DSE: variants seen among roughly 807,000 people sequenced by gnomAD.
DSE encodes dermatan-sulfate epimerase.
DSE carries 36 observed loss-of-function variants against 84.4 expected under a neutral mutation model. That is an observed-to-expected ratio of 0.43 (90% CI 0.33 to 0.56). DSE has a LOEUF of 0.56. DSE is among the 20% of genes least tolerant of loss of function. The probability of loss-of-function intolerance (pLI) is 0.06; values close to 1 mark genes in which losing one functional copy is unlikely to be tolerated. For synonymous variants in DSE, 410 were observed against 430.1 expected, an observed-to-expected ratio of 0.95 and a Z score of 0.58; for missense variants, 862 against 1,169.6, an observed-to-expected ratio of 0.74 and a Z score of 3.84.
chr6:116,331,043 C>T (rs1291360477), intron 2 of DSE, among the ~76,000 whole-genome samples: 1 of 152,030 alleles, frequency 6.6e-6, no homozygotes, highest in Non-Finnish European at 1.5e-5. Flanking sequence ...GTACTAGATG[C>T]AGAAAAGCAG....
intron 3 of DSE, among the ~76,000 whole-genome samples, chr6:116,427,849 C>T (rs927973564): frequency 6.6e-6 from 1 of 152,194 alleles, no homozygotes; most frequent in Admixed American, 6.5e-5. Flanking sequence ...AGTGAATTTT[C>T]ATGCTAGCTC....
In DSE at chr6:116,361,517, G is replaced by A. The variant is rs139060065; in HGVS notation, c.-53-37681G>A. Among the ~76,000 whole-genome samples, 1,036 of 152,256 alleles carry A rather than the reference G, an allele frequency of 6.8e-3. 21 individuals are homozygous for A. The highest frequency in any genetic ancestry group is 0.053 in the South Asian group (256 of 4,822). ...TTAAAATATCTCAAGAGAGCTGGGT[G>A]TGATGGTGCACATCTACAGTCCCAG... is the stretch of plus-strand genomic sequence containing the variant. On this transcript the variant is annotated intron_variant, in intron 2 of 3. Transcript: ENST00000430252.
chr6:116,368,126 G>A (rs1005857655), upstream of DSE, among the ~76,000 whole-genome samples: 1 of 152,168 alleles, frequency 6.6e-6, no homozygotes, highest in African/African-American at 2.4e-5. Context: ...GTTTGGAGCT[G>A]CATCTAGGCG....
chr6:116,407,780 A>G (rs1399258527), intron 2 of DSE, among the ~76,000 whole-genome samples: 3 of 152,246 alleles, frequency 2.0e-5, no homozygotes, highest in African/African-American at 7.2e-5. Flanking sequence ...AAAAAGATCA[A>G]TCTATTTTCA....
At chr6:116,383,407 A>G (rs17077898) in intron 1 of DSE, among the ~76,000 whole-genome samples, 8,347 of 152,150 alleles carry the variant, frequency 0.055, 778 homozygotes, top group African/African-American at 0.19. Context: ...TACAAGCGAG[A>G]GAGAAGTATA....
chr6:116,438,676 C>G lies in DSE; in HGVS notation c.*1331C>G, dbSNP rs1784321471. ...TGAGTCATATATTTCTCCTTTGAAA[C>G]AAAATATGTTCAGCTCAAATTTTAC... On this transcript the variant is annotated 3_prime_UTR_variant, in exon 6 of 6. Transcript: ENST00000644252. The G allele has an allele frequency of 6.6e-6, 1 of 152,112 alleles. No individual in the cohort carries two copies. The highest frequency in any genetic ancestry group is 1.5e-5 in the Non-Finnish European group (1 of 67,986). 9.4% of individuals were successfully genotyped at this position (152,112 alleles called of 1,614,324 possible).
intron 2 of DSE, among the ~76,000 whole-genome samples, chr6:116,417,155 A>G (rs911623754): frequency 1.3e-5 from 2 of 152,190 alleles, no homozygotes; most frequent in South Asian, 2.1e-4. Context: ...TTTACTTATC[A>G]TGTTTCTTCC....
chr6:116,293,933 T>C (rs1398050983), intron 2 of DSE, among the ~76,000 whole-genome samples: 1 of 152,148 alleles, frequency 6.6e-6, no homozygotes, highest in Non-Finnish European at 1.5e-5. Context: ...TTGGTAATAT[T>C]TCTTTTGTCT....
chr6:116,375,806 C>CT (rs966960003), intron 1 of DSE, among the ~76,000 whole-genome samples: 6 of 151,882 alleles, frequency 4.0e-5, no homozygotes, highest in African/African-American at 7.3e-5. Flanking sequence ...GTACTTTTAA[C>CT]TTTTTTTTCA....
At chr6:116,316,824 TAC>T (rs1294464277) in intron 2 of DSE, among the ~76,000 whole-genome samples, 1 of 128,298 alleles carries the variant, frequency 7.8e-6, no homozygotes, top group Admixed American at 7.5e-5. Context: ...CTACTACTAC[TAC>T]TATTATTATT....
chr6:116,256,460 T>C (rs6930059), intron 1 of DSE: 42,917 of 152,144 alleles, frequency 0.28, 7,315 homozygotes, highest in East Asian at 0.68. Context: ...ACAGTAAAAA[T>C]AGAGTATTAC....
intron 2 of DSE, among the ~76,000 whole-genome samples, chr6:116,335,111 C>T (rs909008128): frequency 3.3e-5 from 5 of 152,134 alleles, no homozygotes; most frequent in Admixed American, 6.5e-5. Flanking sequence ...ATAGCAAAGA[C>T]ATGGAATCAA....
At chr6:116,335,262 A>G (rs1339004417) in intron 2 of DSE, among the ~76,000 whole-genome samples, 1 of 152,202 alleles carries the variant, frequency 6.6e-6, no homozygotes, top group Non-Finnish European at 1.5e-5. Context: ...TCCTTATCAA[A>G]CTAACACAGA....
At chr6:116,408,998 C>T (rs1025692987) in intron 2 of DSE, among the ~76,000 whole-genome samples, 1 of 152,154 alleles carries the variant, frequency 6.6e-6, no homozygotes, top group Non-Finnish European at 1.5e-5. Flanking sequence ...TGCCAGTGTT[C>T]CAATTACATT....
chr6:116,291,801 A>G (rs766604250), intron 2 of DSE, among the ~76,000 whole-genome samples: 17 of 152,184 alleles, frequency 1.1e-4, no homozygotes, highest in Admixed American at 3.9e-4. Context: ...GAATGTAGTA[A>G]CTGACAACAG....
At position 116,441,668 on chromosome 6, in the gene DSE, C is replaced by G. The variant is rs1031356758; in HGVS notation, c.*4323C>G. On this transcript the variant is annotated 3_prime_UTR_variant, in exon 6 of 6. Transcript: ENST00000644252. ...ATCAGGTTAGGCTTTATTGATGTCT[C>G]CACTTCCATTCTCTGTGTCATTTTG... 6.6e-6 allele frequency: 1 copy of G among 152,140 alleles called. No homozygotes were observed. The highest frequency in any genetic ancestry group is 2.4e-5 in the African/African-American group (1 of 41,440). The allele number at this position is 152,140 out of a possible 1,614,324, so 9.4% of individuals were successfully genotyped here. A position where few individuals can be genotyped will look rare whatever the true frequency, so the allele number is the denominator to read the frequency against.
intron 2 of DSE, among the ~76,000 whole-genome samples, chr6:116,353,823 T>C (rs1350626300): frequency 6.6e-6 from 1 of 152,226 alleles, no homozygotes; most frequent in Admixed American, 6.5e-5. Context: ...ATAAAGATGT[T>C]TGGTTTTTGT....
intron 2 of DSE, among the ~76,000 whole-genome samples, chr6:116,309,316 A>G: frequency 7.6e-6 from 1 of 132,080 alleles, no homozygotes; most frequent in South Asian, 2.3e-4. Context: ...TGGAATACAC[A>G]TACATACATA....
In DSE at chr6:116,438,272, A is replaced by G. The variant is rs1030284757; in HGVS notation, c.*927A>G. The G allele has an allele frequency of 3.3e-5, 5 of 152,516 alleles. No individual in the cohort carries two copies. The highest frequency in any genetic ancestry group is 9.7e-5 in the African/African-American group (4 of 41,438). 9.4% of individuals were successfully genotyped at this position (152,516 alleles called of 1,614,324 possible). A position where few individuals can be genotyped will look rare whatever the true frequency, so the allele number is the denominator to read the frequency against. On this transcript the variant is annotated 3_prime_UTR_variant, in exon 6 of 6. Coordinates refer to ENST00000644252, the MANE Select transcript of DSE (RefSeq NM_013352.4). ...TTTATTTTCCTAAATAAACATCATA[A>G]TTGTGAATTTTCTCTAGTATTCTTC...
Sources: allele counts gnomAD v4.1 joint callset (sites outside exome capture counted in the v4.1 genomes callset), GRCh38; gene constraint gnomAD v4.1.1; transcripts MANE v1.5; gene names NCBI Gene and HGNC (gene_info 2026-07-23, HGNC 2026-07-21).